The following ARHGEF4 variants were observed in gnomAD, a reference collection of about 807,000 sequenced individuals.
The protein encoded by ARHGEF4 is Rho guanine nucleotide exchange factor 4.
A neutral mutation model predicts 162.0 loss-of-function variants in ARHGEF4; 119 were observed. That is an observed-to-expected ratio of 0.73 (90% CI 0.63 to 0.86). ARHGEF4 has a LOEUF of 0.86. Among genes scored for constraint, ARHGEF4 ranks in the 40% least tolerant of loss-of-function variants. The pLI, the probability that ARHGEF4 is intolerant of heterozygous loss-of-function variation, is 0.00. For missense variants in ARHGEF4, 2,488 were observed against 2,456.0 expected, an observed-to-expected ratio of 1.01 and a Z score of -0.28; for synonymous variants, 1,014 against 979.9, an observed-to-expected ratio of 1.03 and a Z score of -0.65.
At chr2:130,877,445 C>T (rs1443144764) in intron 1 of ARHGEF4, among the ~76,000 whole-genome samples, 1 of 152,146 alleles carries the variant, frequency 6.6e-6, no homozygotes, top group Admixed American at 6.5e-5. Context: ...GAGTGCCAGA[C>T]TTCTAAGGCT....
intron 4 of ARHGEF4, among the ~76,000 whole-genome samples, chr2:131,008,108 T>A (rs1573597301): frequency 1.3e-5 from 2 of 152,308 alleles, no homozygotes; most frequent in South Asian, 2.1e-4. Flanking sequence ...CCACCACACC[T>A]GGCCCCTAAA....
At chr2:130,841,891 C>T (rs557775251) in intron 1 of ARHGEF4, among the ~76,000 whole-genome samples, 5 of 152,296 alleles carry the variant, frequency 3.3e-5, no homozygotes, top group South Asian at 2.1e-4. Flanking sequence ...GCTCACCTGC[C>T]GGCTCTTGGA....
chr2:131,037,369 G>A (rs892057222), intron 5 of ARHGEF4, among the ~76,000 whole-genome samples: 1 of 151,900 alleles, frequency 6.6e-6, no homozygotes, highest in Non-Finnish European at 1.5e-5. Flanking sequence ...TGCCCATTCA[G>A]GCAGAGGCCT....
chr2:131,021,098 A>T (rs1689097799), intron 4 of ARHGEF4, among the ~76,000 whole-genome samples: 1 of 152,142 alleles, frequency 6.6e-6, no homozygotes, highest in South Asian at 2.1e-4. Flanking sequence ...CCTTTGTCAG[A>T]TAAGTAGGTT....
chr2:131,022,547 G>A (rs1233011777), intron 4 of ARHGEF4, among the ~76,000 whole-genome samples: 2 of 151,746 alleles, frequency 1.3e-5, no homozygotes, highest in Non-Finnish European at 2.9e-5. Flanking sequence ...AGGTACAAAA[G>A]CAATTCGGTG....
At chr2:130,982,890 A>G (rs898815746) in intron 4 of ARHGEF4, among the ~76,000 whole-genome samples, 7 of 152,198 alleles carry the variant, frequency 4.6e-5, no homozygotes, top group Non-Finnish European at 8.8e-5. Context: ...GCACATTTAT[A>G]TACAGAATTA....
At chr2:130,876,097 G>A (rs57703024) in intron 1 of ARHGEF4, among the ~76,000 whole-genome samples, 1 of 152,118 alleles carries the variant, frequency 6.6e-6, no homozygotes, top group African/African-American at 2.4e-5. Flanking sequence ...AGTTGGTTCA[G>A]CCGCTCATAG....
chr2:130,847,949 G>A (rs777455150), intron 1 of ARHGEF4, among the ~76,000 whole-genome samples: 1 of 151,828 alleles, frequency 6.6e-6, no homozygotes, highest in African/African-American at 2.4e-5. Flanking sequence ...GAGCTGGGCC[G>A]CTGGGCTGGG....
chr2:130,877,953 T>C (rs905873946), intron 1 of ARHGEF4, among the ~76,000 whole-genome samples: 4 of 152,234 alleles, frequency 2.6e-5, no homozygotes, highest in Admixed American at 2.0e-4. Context: ...AATTAAGGGG[T>C]GCTTTAGTCT....
intron 1 of ARHGEF4, among the ~76,000 whole-genome samples, chr2:130,898,350 G>C (rs1680289410): frequency 6.6e-6 from 1 of 152,218 alleles, no homozygotes. Flanking sequence ...GCCTTCCACA[G>C]GGAGTATCAG....
At chr2:130,988,195 G>C (rs1488301920) in intron 4 of ARHGEF4, among the ~76,000 whole-genome samples, 1 of 152,222 alleles carries the variant, frequency 6.6e-6, no homozygotes, top group Non-Finnish European at 1.5e-5. Context: ...TGCCCGGTGA[G>C]TGCCCTGGGA....
intron 1 of ARHGEF4, among the ~76,000 whole-genome samples, chr2:130,866,849 T>C (rs1290222430): frequency 1.3e-5 from 2 of 152,168 alleles, no homozygotes; most frequent in Non-Finnish European, 2.9e-5. Context: ...TCTTGTAATA[T>C]CCTTTTTTGA....
At chr2:131,042,230 C>T (rs1165290423) in intron 10 of ARHGEF4, among the ~76,000 whole-genome samples, 1 of 152,214 alleles carries the variant, frequency 6.6e-6, no homozygotes, top group Non-Finnish European at 1.5e-5. Flanking sequence ...AAGTGTGTTC[C>T]TCAGCTGTGT....
chr2:131,037,480 C>T (rs1166808870), intron 5 of ARHGEF4, among the ~76,000 whole-genome samples: 3 of 152,214 alleles, frequency 2.0e-5, no homozygotes, highest in African/African-American at 7.2e-5. Context: ...AGGAGGGCTC[C>T]TGGGATGGGA....
intron 1 of ARHGEF4, among the ~76,000 whole-genome samples, chr2:130,853,641 G>A (rs1173821955): frequency 1.3e-5 from 2 of 152,172 alleles, no homozygotes; most frequent in African/African-American, 4.8e-5. Context: ...CGGTGTCCAG[G>A]AAGAGCAACG....
chr2:130,916,496 C>A lies in ARHGEF4; in HGVS notation c.2550C>A (p.His850Gln), dbSNP rs549607320. ...GTCGGGACGCACCGCCTCTGCACCA[C>A]GGGGACGCCAGCGCCTGGCCCGAGT... ...AAGRDAPPLHHGDASAWPEFV... is the reference protein window; with the variant it reads ...AAGRDAPPLHQGDASAWPEFV... The change falls in exon 2 of 14, where the codon CAC becomes CAA. Residue 850 changes from histidine to glutamine, a missense_variant. This residue lies in a region of ARHGEF4 where 1,642 missense variants were observed against 1,481.5 expected (regional missense o/e 1.11). Transcript: ENST00000409359. 16 of 1,547,790 alleles carry A rather than the reference C, an allele frequency of 1.0e-5. No homozygotes were observed. In the South Asian group the frequency reaches 1.5e-4, roughly 15 times the overall value.
rs1681572103 is a variant in ARHGEF4, at chr2:130,917,461, G to A, written c.3515G>A (p.Gly1172Asp). The A allele has an allele frequency of 6.4e-7, 1 of 1,550,504 alleles. No individual in the cohort carries two copies. The highest frequency in any genetic ancestry group is 8.7e-7 in the Non-Finnish European group (1 of 1,146,970). The change falls in exon 2 of 14, where the codon GGC becomes GAC. Residue 1172 changes from glycine (G) to aspartate (D), a missense_variant. Coordinates refer to ENST00000409359, the MANE Select transcript of ARHGEF4 (RefSeq NM_001367493.1). ...REGGQGPRGL[G>D]TVPWLRDLPG... ...GGAGGCCAGGGTCCGCGCGGCTTGGGCACAGTGCCCTGGCTCAGGGACCTT... is the reference window on the plus strand; with the variant it reads ...GGAGGCCAGGGTCCGCGCGGCTTGGACACAGTGCCCTGGCTCAGGGACCTT...
intron 11 of ARHGEF4, 118 bp downstream of exon 11, chr2:131,043,701 G>A (rs1487866297): frequency 1.4e-6 from 2 of 1,439,714 alleles, no homozygotes; most frequent in East Asian, 4.7e-5. Flanking sequence ...GGGGAGCCTG[G>A]CCAGACCCTT....
intron 4 of ARHGEF4, among the ~76,000 whole-genome samples, chr2:131,021,870 G>A (rs11888012): frequency 0.023 from 3,485 of 152,118 alleles, 146 homozygotes; most frequent in African/African-American, 0.078. Context: ...ATGTTTTATC[G>A]TAAAAACTTG....
Sources: allele counts gnomAD v4.1 joint callset (sites outside exome capture counted in the v4.1 genomes callset), GRCh38; gene constraint gnomAD v4.1.1; regional missense constraint gnomAD v4.1.1; transcripts MANE v1.5; gene names NCBI Gene and HGNC (gene_info 2026-07-23, HGNC 2026-07-21).